The following HMCN2 variants were observed in gnomAD, a reference collection of about 807,000 sequenced individuals.
The protein encoded by HMCN2 is hemicentin-2.
HMCN2 carries 325 observed loss-of-function variants against 377.5 expected under a neutral mutation model. The ratio of observed to expected loss-of-function variants is 0.86; its 90% CI spans 0.79 to 0.94. HMCN2 has a LOEUF of 0.94. Ranked by LOEUF, HMCN2 falls within the 40% of genes least tolerant of loss-of-function variation. The pLI, the probability that HMCN2 is intolerant of heterozygous loss-of-function variation, is 0.00. For synonymous variants in HMCN2, 2,007 were observed against 2,046.8 expected, an observed-to-expected ratio of 0.98 and a Z score of 0.53; for missense variants, 4,543 against 4,725.3, an observed-to-expected ratio of 0.96 and a Z score of 1.13.
intron 61 of HMCN2, among the ~76,000 whole-genome samples, chr9:130,387,015 G>A (rs543741665): frequency 6.6e-6 from 1 of 152,232 alleles, no homozygotes; most frequent in Admixed American, 6.5e-5. Context: ...TCTATAAAGT[G>A]CTGGGCACAG....
chr9:130,337,188 A>C (rs2131461093), intron 22 of HMCN2, among the ~76,000 whole-genome samples: 1 of 152,266 alleles, frequency 6.6e-6, no homozygotes, highest in East Asian at 1.9e-4. Context: ...CAGCTGCAGG[A>C]GCCTGGCTGG....
intron 24 of HMCN2, among the ~76,000 whole-genome samples, chr9:130,342,012 A>AAAATAAGT (rs1839077748): frequency 7.7e-6 from 1 of 130,692 alleles, no homozygotes; most frequent in Admixed American, 7.8e-5. Context: ...CCCATCTCTT[A>AAAATAAGT]AAATAAATAA....
At position 130,395,054 on chromosome 9, in the gene HMCN2, C is replaced by G. The variant is rs946498002; in HGVS notation, c.10720C>G (p.Leu3574Val). ...QVRDAGLYTCLAESPAGAIEK... is the reference protein window; with the variant it reads ...QVRDAGLYTCVAESPAGAIEK... The stretch of plus-strand genomic sequence containing the variant: ...TAGGGATGCTGGGCTGTACACTTGT[C>G]TGGCTGAAAGCCCTGCAGGTGCAAT... The change falls in exon 70 of 98, where the codon CTG becomes GTG. Residue 3574 changes from leucine (L) to valine (V), a missense_variant. By Grantham distance (32) the Leu-to-Val change is conservative (BLOSUM62 1). Transcript: ENST00000683500. 1 of 1,274,418 alleles carries G rather than the reference C, an allele frequency of 7.8e-7. No individual in the cohort carries two copies. Among genetic ancestry groups the G allele is most frequent in the African/African-American group, 1.6e-5 (1 of 61,950 alleles). 78.9% of individuals were successfully genotyped at this position (1,274,418 alleles called of 1,614,324 possible). A position where few individuals can be genotyped will look rare whatever the true frequency, so the allele number is the denominator to read the frequency against.
chr9:130,310,099 C>G (rs554636795), intron 15 of HMCN2, 38 bp downstream of exon 15: 26 of 489,510 alleles, frequency 5.3e-5, no homozygotes, highest in African/African-American at 5.1e-4. Context: ...CCTGCCCATT[C>G]CCCTTTCCCA....
chr9:130,337,152 C>T (rs937748235), intron 22 of HMCN2, among the ~76,000 whole-genome samples: 53 of 152,300 alleles, frequency 3.5e-4, no homozygotes, highest in African/African-American at 1.2e-3. Flanking sequence ...GACATCATGT[C>T]TGCAGGGGGC....
intron 15 of HMCN2, among the ~76,000 whole-genome samples, chr9:130,318,553 G>A (rs1837688518): frequency 6.6e-6 from 1 of 152,140 alleles, no homozygotes. Context: ...ATGATGCTTA[G>A]GAAAATGATT....
In HMCN2 at chr9:130,348,120, C is replaced by T. The variant is rs372049116; in HGVS notation, c.4025-425C>T. On this transcript the variant is annotated intron_variant, in intron 26 of 97. Transcript: ENST00000683500. The stretch of plus-strand genomic sequence containing the variant: ...CAGTTCTACCAGCTCCTAACGCCAC[C>T]TGCTGCTTCCCCAGGACCAGCTGCT... The T allele has an allele frequency of 4.5e-5, 37 of 828,334 alleles. No individual in the cohort carries two copies. The African/African-American group carries it at 5.7e-4, about 13-fold the overall frequency. 51.3% of individuals were successfully genotyped at this position (828,334 alleles called of 1,614,324 possible).
chr9:130,393,315 G>C lies in HMCN2; in HGVS notation c.10234+6G>C. On this transcript the variant is annotated splice_donor_region_variant and intron_variant, in intron 67 of 97. Transcript: ENST00000683500. This position sits in a 1 kb window ranked among gnomAD's most constrained non-coding sequence, Gnocchi z 5.2. ...CTTCACCTTGCAGGTGCAGGGTATG[G>C]AGCAGGGGGTGGGGCAAGGGGGTCT... 1.0e-6 allele frequency: 1 copy of C among 990,572 alleles called. No homozygotes were observed. The highest frequency in any genetic ancestry group is 1.2e-6 in the Non-Finnish European group (1 of 831,554). 61.4% of individuals were successfully genotyped at this position (990,572 alleles called of 1,614,324 possible).
At chr9:130,379,844 G>A (rs951361903) in intron 54 of HMCN2, among the ~76,000 whole-genome samples, 1 of 152,168 alleles carries the variant, frequency 6.6e-6, no homozygotes, top group Non-Finnish European at 1.5e-5. Flanking sequence ...CTGAACTCAT[G>A]TCTTTTGTGT....
intron 5 of HMCN2, 84 bp downstream of exon 5, chr9:130,295,110 G>C (rs1389534239): frequency 3.0e-6 from 1 of 331,772 alleles, no homozygotes; most frequent in Non-Finnish European, 6.3e-6. Flanking sequence ...AGAGACCAAG[G>C]GTGACAGGGC....
chr9:130,332,796 G>T (rs966001097), intron 22 of HMCN2, among the ~76,000 whole-genome samples: 11 of 152,314 alleles, frequency 7.2e-5, no homozygotes, highest in Admixed American at 7.2e-4. Context: ...CAGGGCTGGC[G>T]TCCACTAGTG....
At chr9:130,291,344 G>T (rs1461031994) in intron 4 of HMCN2, among the ~76,000 whole-genome samples, 1 of 152,136 alleles carries the variant, frequency 6.6e-6, no homozygotes, top group Non-Finnish European at 1.5e-5. Flanking sequence ...TGAGTAGCTG[G>T]GATTACGGGC....
rs868949203 is a variant in HMCN2, at chr9:130,277,968, C to G, written c.260-6635C>G. ...TCATCATCATCACCACCACCACCAC[C>G]ATCATCATCACCACCACCACGATCA... On this transcript the variant is annotated intron_variant, in intron 1 of 97. Coordinates refer to ENST00000683500, the MANE Select transcript of HMCN2 (RefSeq NM_001291815.2). Among the ~76,000 whole-genome samples the G allele has an allele frequency of 9.0e-4, 105 of 116,762 alleles. 5 individuals are homozygous for G. The highest frequency in any genetic ancestry group is 1.1e-3 in the Non-Finnish European group (62 of 57,322). The allele number at this position is 116,762 out of a possible 152,430, so 76.6% of individuals were successfully genotyped here. A position where few individuals can be genotyped will look rare whatever the true frequency, so the allele number is the denominator to read the frequency against.
At chr9:130,429,835 T>A (rs1229305936) in intron 94 of HMCN2, 150 bp downstream of exon 94, 1 of 1,373,880 alleles carries the variant, frequency 7.3e-7, no homozygotes. Context: ...AAGGCGCCAG[T>A]GCTGTTGAGT....
At chr9:130,430,242 C>T in intron 94 of HMCN2, 42 bp from the exon 95 acceptor site, 3 of 1,465,240 alleles carry the variant, frequency 2.0e-6, no homozygotes, top group Non-Finnish European at 2.7e-6. Flanking sequence ...TGCAGGGGAA[C>T]CTGGGCCACC....
At position 130,383,738 on chromosome 9, in the gene HMCN2, G is replaced by A. The variant is rs139605221; in HGVS notation, c.8830+138G>A. ...TCCCAGCTGGCCCCAGCCACATCCCGAGACAGAGAGCATTTGGGGGGCCCT... is the reference window on the plus strand; with the variant it reads ...TCCCAGCTGGCCCCAGCCACATCCCAAGACAGAGAGCATTTGGGGGGCCCT... On this transcript the variant is annotated intron_variant, in intron 57 of 97. Coordinates refer to ENST00000683500, the MANE Select transcript of HMCN2 (RefSeq NM_001291815.2). 1.7e-4 allele frequency: 48 copies of A among 284,136 alleles called. No individual in the cohort carries two copies. The East Asian group carries it at 7.0e-3, about 42-fold the overall frequency. The allele number at this position is 284,136 out of a possible 1,614,324, so 17.6% of individuals were successfully genotyped here. A position where few individuals can be genotyped will look rare whatever the true frequency, so the allele number is the denominator to read the frequency against.
intron 87 of HMCN2, among the ~76,000 whole-genome samples, chr9:130,424,345 ATT>A (rs33954002): frequency 1.1e-4 from 16 of 142,210 alleles, no homozygotes; most frequent in East Asian, 4.1e-4. Context: ...CGCCCGGCTA[ATT>A]TTTTTTTTTT....
chr9:130,270,759 G>T (rs1554920840), intron 1 of HMCN2, among the ~76,000 whole-genome samples: 1 of 148,692 alleles, frequency 6.7e-6, no homozygotes, highest in Non-Finnish European at 1.5e-5. Flanking sequence ...CTAACTTTTT[G>T]TAGAGATGGG....
intron 22 of HMCN2, among the ~76,000 whole-genome samples, chr9:130,328,442 C>T (rs1308369159): frequency 6.6e-6 from 1 of 152,128 alleles, no homozygotes; most frequent in Non-Finnish European, 1.5e-5. Flanking sequence ...AAACGGGAAC[C>T]GCATTCCCAT....
Sources: allele counts gnomAD v4.1 joint callset (sites outside exome capture counted in the v4.1 genomes callset), GRCh38; gene constraint gnomAD v4.1.1; non-coding constraint Gnocchi (gnomAD v3.1); transcripts MANE v1.5; gene names NCBI Gene and HGNC (gene_info 2026-07-23, HGNC 2026-07-21).